Variants in MAML3 observed in about 807,000 individuals in gnomAD.
The protein encoded by MAML3 is mastermind-like protein 3.
Under a neutral mutation model 101.9 loss-of-function variants are expected in MAML3, and 27 were observed. The ratio of observed to expected loss-of-function variants is 0.27; its 90% confidence interval spans 0.20 to 0.37. The LOEUF (loss-of-function observed/expected upper bound fraction) is 0.37. Among genes scored for constraint, MAML3 ranks in the 10% least tolerant of loss-of-function variants. The pLI, the probability that MAML3 is intolerant of heterozygous loss-of-function variation, is 1.00. For synonymous variants in MAML3, 501 were observed against 555.9 expected, an observed-to-expected ratio of 0.90 and a Z score of 1.39; for missense variants, 1,316 against 1,444.9, an observed-to-expected ratio of 0.91 and a Z score of 1.45.
chr4:139,823,932 C>T (rs371363281), intron 2 of MAML3, among the ~76,000 whole-genome samples: 2 of 151,458 alleles, frequency 1.3e-5, no homozygotes, highest in African/African-American at 2.4e-5. Flanking sequence ...GACCTGTTCA[C>T]GTGTTTGAAA....
At chr4:140,098,249 T>C (rs914365295) in intron 1 of MAML3, among the ~76,000 whole-genome samples, 1 of 152,188 alleles carries the variant, frequency 6.6e-6, no homozygotes, top group African/African-American at 2.4e-5. Flanking sequence ...GGGCAAAGGT[T>C]TTTTGAATCC....
At chr4:140,149,547 C>A (rs538959546) in intron 1 of MAML3, among the ~76,000 whole-genome samples, 3 of 152,240 alleles carry the variant, frequency 2.0e-5, no homozygotes, top group African/African-American at 7.2e-5. Flanking sequence ...TTAATCCAAG[C>A]GAGGCAGAAA....
chr4:139,861,155 C>G (rs537145994), intron 2 of MAML3, among the ~76,000 whole-genome samples: 1 of 152,216 alleles, frequency 6.6e-6, no homozygotes, highest in African/African-American at 2.4e-5. Flanking sequence ...TAGTAGCCAC[C>G]CTGAGACCTC....
intron 2 of MAML3, among the ~76,000 whole-genome samples, chr4:139,873,065 G>A (rs1280762781): frequency 6.6e-6 from 1 of 152,110 alleles, no homozygotes; most frequent in Non-Finnish European, 1.5e-5. Flanking sequence ...CTGGGAGACA[G>A]AGTGAGACTC....
At chr4:139,753,962 G>C (rs1226838778) in intron 2 of MAML3, among the ~76,000 whole-genome samples, 1 of 152,152 alleles carries the variant, frequency 6.6e-6, no homozygotes, top group Non-Finnish European at 1.5e-5. Flanking sequence ...GGAGGGAGGG[G>C]TAAGAGTTAA....
At chr4:139,723,373 C>T (rs534507091) in intron 4 of MAML3, among the ~76,000 whole-genome samples, 18 of 152,294 alleles carry the variant, frequency 1.2e-4, no homozygotes, top group Admixed American at 5.2e-4. Context: ...TGCAATGGCA[C>T]GATCTTGGCT....
intron 1 of MAML3, among the ~76,000 whole-genome samples, chr4:139,899,124 G>A (rs1732665937): frequency 1.3e-5 from 2 of 152,150 alleles, no homozygotes; most frequent in Admixed American, 1.3e-4. Flanking sequence ...GTTGGCCTAG[G>A]ATTCCCCAGG....
At position 140,056,932 on chromosome 4, in the gene MAML3, T is replaced by G. The variant is rs182262021; in HGVS notation, c.468+95928A>C. 1.3e-3 allele frequency among the ~76,000 whole-genome samples: 195 copies of G among 152,280 alleles called. 1 individual carries two copies. Among genetic ancestry groups the G allele is most frequent in the South Asian group, 7.2e-3 (35 of 4,830 alleles). On this transcript the variant is annotated intron_variant, in intron 1 of 4. Coordinates refer to ENST00000509479, the MANE Select transcript of MAML3 (RefSeq NM_018717.5). ...TGTGCAGGCACGAAGCCAGGAACAT[T>G]AATGGATTATCCCAACAGTCCTATT... is the stretch of plus-strand genomic sequence containing the variant.
intron 1 of MAML3, among the ~76,000 whole-genome samples, chr4:139,989,850 AAC>A (rs71593737): frequency 1.3e-3 from 164 of 122,962 alleles, no homozygotes; most frequent in African/African-American, 4.2e-3. Context: ...CACACAAACA[AAC>A]ACACACACAC....
At chr4:140,118,339 T>C (rs1560899139) in intron 1 of MAML3, among the ~76,000 whole-genome samples, 3 of 152,098 alleles carry the variant, frequency 2.0e-5, no homozygotes, top group Non-Finnish European at 4.4e-5. Context: ...TATATATATA[T>C]ACACCTATCT....
At chr4:139,864,674 CAA>C (rs70943450) in intron 2 of MAML3, among the ~76,000 whole-genome samples, 16,878 of 67,682 alleles carry the variant, frequency 0.25, 410 homozygotes, top group East Asian at 0.44. Flanking sequence ...GGCTCCGTCT[CAA>C]AAAAAAAAAA....
At chr4:139,823,871 A>C (rs955720624) in intron 2 of MAML3, among the ~76,000 whole-genome samples, 1 of 151,642 alleles carries the variant, frequency 6.6e-6, no homozygotes, top group Non-Finnish European at 1.5e-5. Context: ...AATGTTTATC[A>C]GCCATTCTAA....
intron 2 of MAML3, among the ~76,000 whole-genome samples, chr4:139,763,008 G>A (rs946462930): frequency 6.6e-6 from 1 of 152,146 alleles, no homozygotes; most frequent in African/African-American, 2.4e-5. Flanking sequence ...ATGAAGGCCT[G>A]CAACTGGCTG....
At chr4:140,108,267 C>T (rs1728384024) in intron 1 of MAML3, among the ~76,000 whole-genome samples, 1 of 151,992 alleles carries the variant, frequency 6.6e-6, no homozygotes, top group Admixed American at 6.6e-5. Context: ...TTTTAATAAC[C>T]TGCTCTACCA....
intron 2 of MAML3, among the ~76,000 whole-genome samples, chr4:139,871,966 A>T (rs1732016179): frequency 6.6e-6 from 1 of 152,246 alleles, no homozygotes; most frequent in African/African-American, 2.4e-5. Flanking sequence ...TAGTTTCAAA[A>T]ACATGCCTTG....
intron 2 of MAML3, among the ~76,000 whole-genome samples, chr4:139,860,448 A>T (rs1213909689): frequency 6.6e-6 from 1 of 152,258 alleles, no homozygotes; most frequent in Non-Finnish European, 1.5e-5. Flanking sequence ...CTGGGACACC[A>T]GTGGCTCTTC....
chr4:140,102,210 G>A (rs1032662936), intron 1 of MAML3, among the ~76,000 whole-genome samples: 7 of 152,172 alleles, frequency 4.6e-5, no homozygotes, highest in Admixed American at 3.3e-4. Flanking sequence ...ACATTATGTT[G>A]TTTATTCTCA....
At chr4:139,737,193 G>A (rs186334721) in intron 2 of MAML3, among the ~76,000 whole-genome samples, 1 of 152,260 alleles carries the variant, frequency 6.6e-6, no homozygotes, top group Admixed American at 6.5e-5. Flanking sequence ...ATGATTTGAG[G>A]AAAGTTCCCT....
intron 1 of MAML3, among the ~76,000 whole-genome samples, chr4:140,102,999 T>G (rs1728277538): frequency 6.6e-6 from 1 of 152,154 alleles, no homozygotes; most frequent in Admixed American, 6.5e-5. Flanking sequence ...ACCTATTCTG[T>G]GGCCAAAGAC....
Sources: allele counts gnomAD v4.1 joint callset (sites outside exome capture counted in the v4.1 genomes callset), GRCh38; gene constraint gnomAD v4.1.1; transcripts MANE v1.5; gene names NCBI Gene and HGNC (gene_info 2026-07-23, HGNC 2026-07-21).